Variants in TMEM150B observed in about 807,000 individuals in gnomAD.
TMEM150B encodes transmembrane protein 150B.
In TMEM150B, 33 loss-of-function variants were observed where a neutral mutation model predicts 25.2. The observed-to-expected ratio is 1.31, with a 90% CI of 0.99 to 1.75. The LOEUF (loss-of-function observed/expected upper bound fraction) is 1.75. TMEM150B is among the 40% of genes most tolerant of loss of function. The pLI is 0.00. For synonymous variants in TMEM150B, 133 were observed against 134.8 expected (o/e 0.99, Z 0.09); for missense variants, 322 against 306.1 (o/e 1.05, Z -0.39).
chr19:55,316,647 G>T, intron 7 of TMEM150B, 139 bp downstream of exon 7: 2 of 923,348 alleles, frequency 2.2e-6, no homozygotes, highest in Non-Finnish European at 2.9e-6. Context: ...CGGCATTCTC[G>T]ATGACAAAGC....
At position 55,325,269 on chromosome 19, in the gene TMEM150B, C is replaced by T; in HGVS notation, c.-154+3G>A. The T allele has an allele frequency of 1.0e-6, 1 of 985,364 alleles. No homozygotes were observed. Among genetic ancestry groups the T allele is most frequent in the Non-Finnish European group, 1.2e-6 (1 of 829,968 alleles). The allele number at this position is 985,364 out of a possible 1,614,324, so 61.0% of individuals were successfully genotyped here. A position where few individuals can be genotyped will look rare whatever the true frequency, so the allele number is the denominator to read the frequency against. On this transcript the variant is annotated splice_donor_region_variant and intron_variant, in intron 1 of 7. Transcript: ENST00000326652. ...TTCAAGTTGGGAATTAGGCCCCACT[C>T]ACCGGCCACGGGTAGGTTGGGTGTC...
rs541079646 is a variant in TMEM150B at position 55,314,083 on chromosome 19, G to A, written c.506-1028C>T. On this transcript the variant is annotated intron_variant, in intron 7 of 7. Transcript: ENST00000326652. ...GTGTCCCAGGCTGGAATGCAGTGGC[G>A]TGATCTCGGCTCACTGCAACCTCTG... is the stretch of plus-strand genomic sequence containing the variant. 1.2e-4 allele frequency among the ~76,000 whole-genome samples: 18 copies of A among 152,244 alleles called. No individual in the cohort carries two copies. In the East Asian group the frequency reaches 2.9e-3, roughly 25 times the overall value.
Position 55,312,984 on chromosome 19 carries a change from A to G in TMEM150B, c.577T>C (p.Phe193Leu), listed in dbSNP as rs770766066. The change falls in exon 8 of 8, where the codon TTC becomes CTC. Residue 193 changes from phenylalanine (F) to leucine (L), a missense_variant. Phe to Leu is a conservative substitution (Grantham distance 22). Transcript: ENST00000326652. The part of the protein sequence containing the change: ...ACEWVVAMLL[F>L]ALFGLLAVDF... ...ACGGCTAAGAGACCGAAGAGCGCGA[A>G]CAGCAGCATGGCCACGACCCACTCG... 2 of 1,613,728 alleles carry G rather than the reference A, an allele frequency of 1.2e-6. No individual in the cohort carries two copies. Among genetic ancestry groups the G allele is most frequent in the Non-Finnish European group, 1.7e-6 (2 of 1,179,858 alleles).
chr19:55,312,700 C>G (rs370150864), downstream of TMEM150B: 5 of 826,000 alleles, frequency 6.1e-6, no homozygotes, highest in Non-Finnish European at 5.5e-6. Flanking sequence ...AGAGGCCCTC[C>G]GCGCCGGCAC....
intron 2 of TMEM150B, among the ~76,000 whole-genome samples, chr19:55,321,392 C>G (rs998669220): frequency 4.6e-5 from 7 of 152,054 alleles, no homozygotes; most frequent in Non-Finnish European, 1.0e-4. Flanking sequence ...CCCTGGGGCT[C>G]TCAGTCCTGG....
intron 1 of TMEM150B, chr19:55,324,664 A>G: frequency 1.1e-6 from 1 of 925,946 alleles, no homozygotes; most frequent in African/African-American, 1.8e-5. Flanking sequence ...TAAATAAAAT[A>G]AAATAAATAA....
chr19:55,319,936 G>C lies in TMEM150B; in HGVS notation c.324+103C>G, dbSNP rs541972483. The C allele has an allele frequency of 2.7e-4, 418 of 1,553,100 alleles. 1 individual carries two copies. In the African/African-American group the frequency reaches 5.5e-3, roughly 20 times the overall value. ...ATACAAGTCCCAGGAGGGCCGGGCG[G>C]GAACCAGCCCCCGAGACAATAAGCC... On this transcript the variant is annotated intron_variant, in intron 6 of 7. Coordinates refer to ENST00000326652, the MANE Select transcript of TMEM150B (RefSeq NM_001282011.2).
chr19:55,311,255 C>G (rs543176860), downstream of TMEM150B, among the ~76,000 whole-genome samples: 3 of 152,192 alleles, frequency 2.0e-5, no homozygotes, highest in Admixed American at 1.3e-4. Flanking sequence ...AGCCACTGCG[C>G]CCGGCCCACT....
rs80306421 is a variant in TMEM150B at position 55,323,145 on chromosome 19, G to C, written c.-153-402C>G. Among the ~76,000 whole-genome samples, 79 of 152,218 alleles carry C rather than the reference G, an allele frequency of 5.2e-4. 1 individual carries two copies. The highest frequency in any genetic ancestry group is 1.8e-3 in the African/African-American group (73 of 41,540). ...TAACATTAGCCATTTTAAAGTGTAC[G>C]ACTCGGCCAGGCACGGCGGCTCACG... On this transcript the variant is annotated intron_variant, in intron 1 of 7. Transcript: ENST00000326652.
At position 55,321,042 on chromosome 19, in the gene TMEM150B, G is replaced by A; in HGVS notation, c.-6C>T. On this transcript the variant is annotated 5_prime_UTR_variant, in exon 3 of 8. Coordinates refer to ENST00000326652, the MANE Select transcript of TMEM150B (RefSeq NM_001282011.2). The stretch of plus-strand genomic sequence containing the variant: ...AGCGACAGGTAGCCCCACATGCCGG[G>A]CTCTGCAGGTGAAGGATCGGGGCTG... The A allele has an allele frequency of 6.2e-7, 1 of 1,613,174 alleles. No homozygotes were observed. Among genetic ancestry groups the A allele is most frequent in the Non-Finnish European group, 8.5e-7 (1 of 1,179,524 alleles).
intron 6 of TMEM150B, 135 bp downstream of exon 6, chr19:55,319,904 G>A: frequency 1.4e-6 from 2 of 1,481,066 alleles, no homozygotes; most frequent in Non-Finnish European, 8.9e-7. Context: ...CCACTGGCCA[G>A]AGAAAAATAC....
chr19:55,312,093 G>GACCCCCCTCC, downstream of TMEM150B: 1 of 1,309,120 alleles, frequency 7.6e-7, no homozygotes, highest in Non-Finnish European at 1.0e-6. Context: ...GGAGGGAGGG[G>GACCCCCCTCC]ACCCCCCTCC....
At chr19:55,320,517 A>G in intron 4 of TMEM150B, 41 bp downstream of exon 4, 1 of 1,612,838 alleles carries the variant, frequency 6.2e-7, no homozygotes, top group Admixed American at 1.7e-5. Flanking sequence ...ACTTTCCTGC[A>G]GCGGCGATCC....
chr19:55,312,327 G>A (rs1342761253), downstream of TMEM150B: 1 of 221,282 alleles, frequency 4.5e-6, no homozygotes, highest in African/African-American at 2.3e-5. Flanking sequence ...TCTGCGGGGT[G>A]GGGTGGGGGA....
chr19:55,320,426 A>G lies in TMEM150B; in HGVS notation c.161T>C (p.Ile54Thr). 3 of 1,580,976 alleles carry G rather than the reference A, an allele frequency of 1.9e-6. No individual in the cohort carries two copies. Among genetic ancestry groups the G allele is most frequent in the Non-Finnish European group, 2.6e-6 (3 of 1,161,856 alleles). Residue 54 changes from isoleucine to threonine, a missense_variant, in exon 5 of 8, where the codon ATC becomes ACC. Coordinates refer to ENST00000326652, the MANE Select transcript of TMEM150B (RefSeq NM_001282011.2). ...ICGSFPPQSC[I>T]FSQVLNMGAA... ...TCCCATATTGAGCACCTGGCTGAAG[A>G]TGCAGCTCTGAGGGGGGAAGGATCC...
downstream of TMEM150B, chr19:55,311,937 C>A (rs1421891468): frequency 3.7e-6 from 6 of 1,611,384 alleles, no homozygotes; most frequent in African/African-American, 1.3e-5. Flanking sequence ...CCAGACCCGG[C>A]CTGCTGGTGC....
intron 2 of TMEM150B, among the ~76,000 whole-genome samples, chr19:55,321,431 A>T (rs2089206108): frequency 6.6e-6 from 1 of 151,934 alleles, no homozygotes; most frequent in Admixed American, 6.6e-5. Context: ...TTAGGGAAGA[A>T]GGGCTGGCAT....
At chr19:55,319,969 A>C (rs1443876982) in intron 6 of TMEM150B, 70 bp downstream of exon 6, 1 of 1,608,272 alleles carries the variant, frequency 6.2e-7, no homozygotes, top group African/African-American at 1.3e-5. Context: ...GCCTATGGCC[A>C]CGGGGCATGC....
intron 1 of TMEM150B, chr19:55,324,866 C>T: frequency 1.0e-6 from 1 of 985,330 alleles, no homozygotes; most frequent in Non-Finnish European, 1.2e-6. Context: ...GAATCCCTGT[C>T]TGTGGGCAAC....
Sources: allele counts gnomAD v4.1 joint callset (sites outside exome capture counted in the v4.1 genomes callset), GRCh38; gene constraint gnomAD v4.1.1; transcripts MANE v1.5; gene names NCBI Gene and HGNC (gene_info 2026-07-23, HGNC 2026-07-21).